The following TANK variants were observed in gnomAD, a reference collection of about 807,000 sequenced individuals.
TANK encodes the protein TRAF family member-associated NF-kappa-B activator.
TANK carries 15 observed loss-of-function variants against 43.6 expected under a neutral mutation model. The observed-to-expected ratio is 0.34, with a 90% confidence interval of 0.23 to 0.53. TANK has a LOEUF of 0.53. Among genes scored for constraint, TANK ranks in the 20% least tolerant of loss-of-function variants. The pLI is 0.94. For missense variants in TANK, 417 were observed against 498.6 expected (o/e 0.84, Z 1.56); for synonymous variants, 162 against 178.2 (o/e 0.91, Z 0.73).
At chr2:161,178,134 A>G (rs1685251199) in intron 1 of TANK, among the ~76,000 whole-genome samples, 1 of 152,140 alleles carries the variant, frequency 6.6e-6, no homozygotes, top group Admixed American at 6.6e-5. Flanking sequence ...TAGAATTACC[A>G]TATGACTCAG....
chr2:161,202,769 T>G, intron 2 of TANK: 1 of 407,746 alleles, frequency 2.5e-6, no homozygotes, highest in Non-Finnish European at 5.0e-6. Flanking sequence ...ATTTGGTAAT[T>G]GTGATACAAC....
intron 1 of TANK, 68 bp downstream of exon 1, chr2:161,160,554 C>T (rs563892681): frequency 3.3e-6 from 4 of 1,211,022 alleles, no homozygotes; most frequent in East Asian, 5.8e-5. Flanking sequence ...AATTTGTATG[C>T]GTGAGCGAGA....
intron 1 of TANK, among the ~76,000 whole-genome samples, chr2:161,172,924 G>A (rs1446884878): frequency 1.3e-5 from 2 of 152,134 alleles, no homozygotes; most frequent in African/African-American, 4.8e-5. Context: ...GTTGCCTGTG[G>A]TATAGCCTCA....
At chr2:161,148,024 T>C (rs1270036817) in intron 1 of TANK, among the ~76,000 whole-genome samples, 2 of 152,232 alleles carry the variant, frequency 1.3e-5, no homozygotes, top group African/African-American at 4.8e-5. Flanking sequence ...TTTTCAGTTC[T>C]TTTGGGTATA....
chr2:161,149,856 T>C (rs1381706930), intron 1 of TANK, among the ~76,000 whole-genome samples: 4 of 152,034 alleles, frequency 2.6e-5, no homozygotes, highest in African/African-American at 9.7e-5. Context: ...TGATGTATAA[T>C]ACACTTAATA....
chr2:161,168,310 A>G (rs1412009323), intron 1 of TANK, among the ~76,000 whole-genome samples: 1 of 152,202 alleles, frequency 6.6e-6, no homozygotes, highest in African/African-American at 2.4e-5. Flanking sequence ...ACCAGTACAG[A>G]AGATTCAAAA....
Position 161,137,373 on chromosome 2 carries a change from T to A in TANK, c.-50+310T>A, listed in dbSNP as rs1158647772. 3 of 313,854 alleles carry A rather than the reference T, an allele frequency of 9.6e-6. No homozygotes were observed. The East Asian group carries it at 5.2e-4, about 54-fold the overall frequency. The allele number at this position is 313,854 out of a possible 1,614,324, so 19.4% of individuals were successfully genotyped here. A position where few individuals can be genotyped will look rare whatever the true frequency, so the allele number is the denominator to read the frequency against. On this transcript the variant is annotated intron_variant, in intron 1 of 7. Coordinates refer to the TANK transcript ENST00000259075. The stretch of plus-strand genomic sequence containing the variant: ...ACCCCATCTCTATTTAATAAATAAA[T>A]AAGTAAATAATGGGGTCCCTAGCCA...
intron 1 of TANK, among the ~76,000 whole-genome samples, chr2:161,138,312 T>G (rs1330407103): frequency 6.6e-6 from 1 of 152,186 alleles, no homozygotes; most frequent in Non-Finnish European, 1.5e-5. Flanking sequence ...TATTCAAGCT[T>G]GTAAGTGGCA....
In TANK at chr2:161,166,558, AT is replaced by A. The variant is rs536637036; in HGVS notation, c.-50+6079del. 3.1e-3 allele frequency among the ~76,000 whole-genome samples: 465 copies of A among 152,210 alleles called. 1 individual carries two copies. Among genetic ancestry groups the A allele is most frequent in the Admixed American group, 7.6e-3 (116 of 15,290 alleles). ...TGTGTATATGTCGTGTTGTTGACTGATTTTTTTGCTTTTTACTCCTGATGTG... is the reference window on the plus strand; with the variant it reads ...TGTGTATATGTCGTGTTGTTGACTGATTTTTTGCTTTTTACTCCTGATGTG... On this transcript the variant is annotated intron_variant, in intron 1 of 7. Coordinates refer to ENST00000392749, the MANE Select transcript of TANK (RefSeq NM_001199135.3).
At chr2:161,170,878 G>A (rs1291739942) in intron 1 of TANK, among the ~76,000 whole-genome samples, 1 of 152,204 alleles carries the variant, frequency 6.6e-6, no homozygotes, top group East Asian at 1.9e-4. Context: ...ATCTTCAGTT[G>A]ACTAGGCTTT....
At chr2:161,214,160 T>C (rs972670742) in intron 4 of TANK, among the ~76,000 whole-genome samples, 1 of 152,226 alleles carries the variant, frequency 6.6e-6, no homozygotes, top group Non-Finnish European at 1.5e-5. Context: ...AAAGCTCAAA[T>C]TTTATCATTG....
At chr2:161,160,192 A>C (rs779161168), upstream of TANK, 9 of 386,484 alleles carry the variant, frequency 2.3e-5, no homozygotes, top group Non-Finnish European at 3.7e-5. Flanking sequence ...TTTACACTTG[A>C]CATAGGATTC....
At chr2:161,208,074 G>T (rs976671940) in intron 4 of TANK, 28 of 867,982 alleles carry the variant, frequency 3.2e-5, no homozygotes, top group Non-Finnish European at 3.6e-5. Flanking sequence ...CTTCTGTTTG[G>T]TGGGTGGTTT....
intron 1 of TANK, among the ~76,000 whole-genome samples, chr2:161,178,808 T>C (rs1460844067): frequency 6.6e-6 from 1 of 152,134 alleles, no homozygotes; most frequent in African/African-American, 2.4e-5. Context: ...GATAGAGAAC[T>C]TTGTCTAGTC....
intron 3 of TANK, among the ~76,000 whole-genome samples, chr2:161,203,961 G>T (rs1213144021): frequency 6.6e-6 from 1 of 152,116 alleles, no homozygotes; most frequent in East Asian, 1.9e-4. Context: ...GCGAGGATGT[G>T]TATCACAGTA....
At chr2:161,186,334 A>C (rs1260003841) in intron 2 of TANK, among the ~76,000 whole-genome samples, 1 of 152,152 alleles carries the variant, frequency 6.6e-6, no homozygotes, top group Non-Finnish European at 1.5e-5. Flanking sequence ...TTTCAAATAT[A>C]TTCCTATTTC....
chr2:161,212,109 G>A, intron 4 of TANK: 1 of 519,422 alleles, frequency 1.9e-6, no homozygotes, highest in Non-Finnish European at 2.4e-6. Context: ...CACCCATACT[G>A]GGGTGCAGTG....
chr2:161,216,369 CT>C, intron 4 of TANK: 1 of 466,858 alleles, frequency 2.1e-6, no homozygotes, highest in Non-Finnish European at 4.4e-6. Context: ...CCTGCTTTCT[CT>C]TTTTTACCTG....
At chr2:161,212,394 A>G in intron 4 of TANK, 5 of 984,842 alleles carry the variant, frequency 5.1e-6, no homozygotes, top group Non-Finnish European at 6.0e-6. Flanking sequence ...AAATATTGAT[A>G]TCCAAAACAT....
Sources: allele counts gnomAD v4.1 joint callset (sites outside exome capture counted in the v4.1 genomes callset), GRCh38; gene constraint gnomAD v4.1.1; transcripts MANE v1.5; gene names NCBI Gene and HGNC (gene_info 2026-07-23, HGNC 2026-07-21).